SAMD12: variants seen among roughly 807,000 people sequenced by gnomAD.
SAMD12 encodes the protein sterile alpha motif domain containing 12, also known as sterile alpha motif domain-containing protein 12.
A neutral mutation model predicts 15.0 loss-of-function variants in SAMD12; 9 were observed. The observed-to-expected ratio is 0.60, with a 90% CI of 0.36 to 1.05. The LOEUF is 1.05. SAMD12 is among the 50% of genes least tolerant of loss of function. The pLI, the probability that SAMD12 is intolerant of heterozygous loss-of-function variation, is 0.01. For synonymous variants in SAMD12, 86 were observed against 90.1 expected, an observed-to-expected ratio of 0.96 and a Z score of 0.25; for missense variants, 230 against 234.2, an observed-to-expected ratio of 0.98 and a Z score of 0.12.
intron 2 of SAMD12, among the ~76,000 whole-genome samples, chr8:118,465,055 G>A (rs1361173686): frequency 2.0e-5 from 3 of 152,184 alleles, no homozygotes; most frequent in African/African-American, 7.2e-5. Flanking sequence ...GATCCCTACA[G>A]CCTTAGTTGC....
chr8:118,267,091 A>G (rs753082382), intron 4 of SAMD12, among the ~76,000 whole-genome samples: 1 of 152,184 alleles, frequency 6.6e-6, no homozygotes, highest in Non-Finnish European at 1.5e-5. Context: ...CTGTACTAAC[A>G]TATACATTTT....
intron 1 of SAMD12, among the ~76,000 whole-genome samples, chr8:118,594,038 C>T (rs570458887): frequency 5.3e-5 from 8 of 152,110 alleles, no homozygotes; most frequent in Admixed American, 5.2e-4. Flanking sequence ...GCTTCTATGT[C>T]ACAAATCACA....
chr8:118,559,993 T>C (rs193297195), intron 2 of SAMD12, among the ~76,000 whole-genome samples: 2 of 152,216 alleles, frequency 1.3e-5, no homozygotes, highest in African/African-American at 4.8e-5. Flanking sequence ...AGGAATCTAA[T>C]GCTTTTTGGG....
intron 1 of SAMD12, among the ~76,000 whole-genome samples, chr8:118,581,105 C>G (rs915080999): frequency 6.6e-6 from 1 of 152,116 alleles, no homozygotes; most frequent in Non-Finnish European, 1.5e-5. Flanking sequence ...AGGTACAAAT[C>G]CAGAAGCCCT....
At chr8:118,613,367 T>C (rs1828154290) in intron 1 of SAMD12, among the ~76,000 whole-genome samples, 1 of 152,230 alleles carries the variant, frequency 6.6e-6, no homozygotes, top group African/African-American at 2.4e-5. Context: ...GTTTATCTGA[T>C]ATTTAACCAA....
At chr8:118,228,700 T>C (rs1429928537) in intron 4 of SAMD12, among the ~76,000 whole-genome samples, 1 of 152,194 alleles carries the variant, frequency 6.6e-6, no homozygotes, top group Non-Finnish European at 1.5e-5. Flanking sequence ...GAATGTAAAC[T>C]AGTACAGCCA....
chr8:118,473,026 C>A (rs1823848105), intron 2 of SAMD12, among the ~76,000 whole-genome samples: 1 of 152,162 alleles, frequency 6.6e-6, no homozygotes, highest in South Asian at 2.1e-4. Flanking sequence ...CTACACATTG[C>A]TCTCCTACTT....
At chr8:118,331,728 CAA>C (rs1020674222) in intron 4 of SAMD12, among the ~76,000 whole-genome samples, 13 of 152,250 alleles carry the variant, frequency 8.5e-5, no homozygotes, top group Admixed American at 2.0e-4. Flanking sequence ...AATCTTGAAA[CAA>C]GAGGTCCACA....
intron 4 of SAMD12, among the ~76,000 whole-genome samples, chr8:118,280,867 G>A (rs1267664354): frequency 6.6e-6 from 1 of 152,108 alleles, no homozygotes; most frequent in Non-Finnish European, 1.5e-5. Flanking sequence ...CACCTGCATG[G>A]GGGCAGGTAT....
chr8:118,251,219 A>T (rs1205175119), intron 4 of SAMD12, among the ~76,000 whole-genome samples: 3 of 151,892 alleles, frequency 2.0e-5, no homozygotes, highest in Non-Finnish European at 4.4e-5. Flanking sequence ...ATTACTAAGA[A>T]CCCTTGAGTT....
At chr8:118,322,814 T>C (rs985691681) in intron 4 of SAMD12, among the ~76,000 whole-genome samples, 1 of 152,190 alleles carries the variant, frequency 6.6e-6, no homozygotes, top group African/African-American at 2.4e-5. Flanking sequence ...GGTGATTTTA[T>C]GCAAGTCAAC....
intron 3 of SAMD12, among the ~76,000 whole-genome samples, chr8:118,387,251 G>T (rs1179027082): frequency 2.0e-5 from 3 of 152,294 alleles, no homozygotes; most frequent in African/African-American, 7.2e-5. Context: ...AACAGGTGTA[G>T]ATAAATGTCT....
chr8:118,543,632 T>TTTTTC (rs1554582449), intron 2 of SAMD12, among the ~76,000 whole-genome samples: 7 of 103,594 alleles, frequency 6.8e-5, no homozygotes, highest in African/African-American at 3.8e-4. Context: ...TCTTTCTTTC[T>TTTTTC]TTTTTTTTTT....
At chr8:118,155,439 G>T in the SAMD12 span, among the ~76,000 whole-genome samples, 1 of 152,190 alleles carries the variant, frequency 6.6e-6, no homozygotes, top group Admixed American at 6.5e-5. Flanking sequence ...TCAGTTATGA[G>T]AGGCTCAAGG....
the SAMD12 span, among the ~76,000 whole-genome samples, chr8:118,163,874 C>CAAAACAAAACA: frequency 6.7e-6 from 1 of 149,160 alleles, no homozygotes; most frequent in Non-Finnish European, 1.5e-5. Flanking sequence ...GACTCCGTCT[C>CAAAACAAAACA]AAACAAAACA....
chr8:118,397,377 G>A (rs777556454), intron 3 of SAMD12, among the ~76,000 whole-genome samples: 5 of 152,156 alleles, frequency 3.3e-5, no homozygotes, highest in East Asian at 1.9e-4. Context: ...TCCCAGAGAA[G>A]TATGGTTCAG....
chr8:118,181,897 G>C, the SAMD12 span, among the ~76,000 whole-genome samples: 3 of 152,178 alleles, frequency 2.0e-5, no homozygotes, highest in African/African-American at 7.2e-5. Flanking sequence ...AGCTGAGGTT[G>C]GTTGCTAGAG....
chr8:118,491,914 A>T (rs373892896), intron 2 of SAMD12, among the ~76,000 whole-genome samples: 3 of 152,296 alleles, frequency 2.0e-5, no homozygotes, highest in African/African-American at 7.2e-5. Flanking sequence ...ATATTCACGT[A>T]CAAGTCTTTG....
intron 3 of SAMD12, among the ~76,000 whole-genome samples, chr8:118,428,902 A>G (rs948474824): frequency 6.6e-6 from 1 of 152,194 alleles, no homozygotes; most frequent in Non-Finnish European, 1.5e-5. Context: ...TTCTTTTTCT[A>G]TATGAGTTTC....
Sources: gnomAD v4.1 joint callset for allele counts (sites outside exome capture counted in the v4.1 genomes callset) on GRCh38, gnomAD v4.1.1 for gene constraint, MANE v1.5 for transcripts, NCBI Gene and HGNC (gene_info 2026-07-23, HGNC 2026-07-21) for gene names.